ARL10: variants seen among roughly 807,000 people sequenced by gnomAD.
The protein encoded by ARL10 is ARF like GTPase 10.
In ARL10, 23 loss-of-function variants were observed where a neutral mutation model predicts 26.1. The observed-to-expected ratio is 0.88, with a 90% confidence interval of 0.63 to 1.25. The LOEUF (loss-of-function observed/expected upper bound fraction) is 1.25. ARL10 is among the 50% of genes most tolerant of loss of function. The pLI, the probability that ARL10 is intolerant of heterozygous loss-of-function variation, is 0.00. For synonymous variants in ARL10, 138 were observed against 149.1 expected, an observed-to-expected ratio of 0.93 and a Z score of 0.54; for missense variants, 300 against 323.6, an observed-to-expected ratio of 0.93 and a Z score of 0.56.
chr5:176,388,936 C>G (rs764165420), downstream of ARL10: 1 of 1,614,098 alleles, frequency 6.2e-7, no homozygotes, highest in Non-Finnish European at 8.5e-7. Flanking sequence ...AGGAAAAGTT[C>G]GTTCGCAAGA....
downstream of ARL10, chr5:176,392,809 G>C (rs1425477712): frequency 5.0e-6 from 8 of 1,614,250 alleles, no homozygotes; most frequent in Non-Finnish European, 6.8e-6. This position sits in a 1 kb window ranked among gnomAD's most constrained non-coding sequence, Gnocchi z 5.2. Context: ...AGGGACATGA[G>C]CACCGAGCGC....
intron 1 of ARL10, among the ~76,000 whole-genome samples, chr5:176,398,992 G>A (rs910821800): frequency 2.0e-5 from 3 of 151,804 alleles, no homozygotes; most frequent in Admixed American, 6.6e-5. Flanking sequence ...ACAGGCACAC[G>A]TCACGACACC....
chr5:176,409,599 A>G, the ARL10 span, among the ~76,000 whole-genome samples: 1 of 151,636 alleles, frequency 6.6e-6, no homozygotes, highest in African/African-American at 2.4e-5. Flanking sequence ...ATTTTTAGTA[A>G]AGACGGGGTT....
intron 1 of ARL10, chr5:176,397,796 TGCCAGGCAGCCACAGG>T: frequency 6.6e-7 from 1 of 1,514,742 alleles, no homozygotes; most frequent in Non-Finnish European, 9.2e-7. Flanking sequence ...CCCTGGCCCC[TGCCAGGCAGCCACAGG>T]GCCGCACCGG....
intron 1 of ARL10, among the ~76,000 whole-genome samples, chr5:176,400,968 G>A (rs1756789291): frequency 6.6e-6 from 1 of 152,154 alleles, no homozygotes; most frequent in Non-Finnish European, 1.5e-5. Flanking sequence ...TGAGGGAAGG[G>A]CAGGCCAGGG....
chr5:176,366,067 C>G (rs1329947491), intron 1 of ARL10, among the ~76,000 whole-genome samples: 2 of 152,170 alleles, frequency 1.3e-5, no homozygotes, highest in African/African-American at 4.8e-5. Flanking sequence ...CGGGTCGGCT[C>G]GCGCCCCTCC....
rs1755484356 is a variant in ARL10 at position 176,378,917 on chromosome 5, A to G, written c.*7022A>G. 1 of 146,432 alleles carries G rather than the reference A, an allele frequency of 6.8e-6. No homozygotes were observed. The highest frequency in any genetic ancestry group is 1.5e-5 in the Non-Finnish European group (1 of 65,908). 9.1% of individuals were successfully genotyped at this position (146,432 alleles called of 1,614,324 possible). ...CAAAAAAAAAAAAAAAAAAAATTTC[A>G]AATGATGTTGGTCTACTTGCTGAAA... On this transcript the variant is annotated 3_prime_UTR_variant, in exon 4 of 4. Coordinates refer to ENST00000310389, the MANE Select transcript of ARL10 (RefSeq NM_173664.6).
chr5:176,392,477 G>A (rs115470776), downstream of ARL10: 6,084 of 328,408 alleles, frequency 0.019, 89 homozygotes, highest in Middle Eastern at 0.042. This position sits in a 1 kb window ranked among gnomAD's most constrained non-coding sequence, Gnocchi z 5.2. Flanking sequence ...AAGTGAGAAT[G>A]ATAATAAATA....
At position 176,365,627 on chromosome 5, in the gene ARL10, T is replaced by C. The variant is rs973061730; in HGVS notation, c.64T>C (p.Ser22Pro). Residue 22 changes from serine (S) to proline (P), a missense_variant, in exon 1 of 4, where the codon TCG becomes CCG. Transcript: ENST00000310389. ...ALGGAAAVLG[S>P]VLFILWKTYF... is the part of the protein sequence containing the mutation. ...GGGCGGCGCCGCGGCGGTGCTGGGC[T>C]CGGTGCTCTTCATCCTCTGGAAGAC... 7.9e-7 allele frequency: 1 copy of C among 1,260,582 alleles called. No individual in the cohort carries two copies. Among genetic ancestry groups the C allele is most frequent in the African/African-American group, 1.5e-5 (1 of 64,598 alleles). 78.1% of individuals were successfully genotyped at this position (1,260,582 alleles called of 1,614,324 possible).
In ARL10 at chr5:176,401,786, T is replaced by G. The variant is rs985535314; in HGVS notation, c.*34T>G. 15 of 456,224 alleles carry G rather than the reference T, an allele frequency of 3.3e-5. No individual in the cohort carries two copies. The East Asian group carries it at 9.7e-4, about 30-fold the overall frequency. The allele number at this position is 456,224 out of a possible 1,614,324, so 28.3% of individuals were successfully genotyped here. A position where few individuals can be genotyped will look rare whatever the true frequency, so the allele number is the denominator to read the frequency against. ...ACACTGAACAATTTCCCGAGGGTGC[T>G]GAGGCCCCAGCCTCCTGTTCGTCCT... On this transcript the variant is annotated 3_prime_UTR_variant, in exon 2 of 2. Coordinates refer to the ARL10 transcript ENST00000514533.
downstream of ARL10, among the ~76,000 whole-genome samples, chr5:176,383,763 A>G (rs983930421): frequency 6.6e-6 from 1 of 152,156 alleles, no homozygotes; most frequent in Non-Finnish European, 1.5e-5. Context: ...GTTGAGAGGA[A>G]CTGCTGTGCG....
exon 2 of ARL10, chr5:176,388,566 A>G (rs1214581415): frequency 6.3e-7 from 1 of 1,579,998 alleles, no homozygotes; most frequent in Non-Finnish European, 8.7e-7. Context: ...CCAGCAGCTC[A>G]AACACGCTGC....
intron 3 of ARL10, 182 bp downstream of exon 3, chr5:176,369,164 T>A: frequency 6.5e-7 from 1 of 1,534,004 alleles, no homozygotes; most frequent in Non-Finnish European, 8.7e-7. Context: ...TGCCTCCCTA[T>A]CATCTCGTAC....
At chr5:176,386,743 T>TAG (rs1325571940), downstream of ARL10, 2 of 1,042,068 alleles carry the variant, frequency 1.9e-6, no homozygotes, top group African/African-American at 3.1e-5. Flanking sequence ...CTCTGAAACT[T>TAG]GGTTTCTCCA....
downstream of ARL10, chr5:176,406,800 T>A (rs1440155837): frequency 2.0e-6 from 2 of 999,756 alleles, no homozygotes; most frequent in East Asian, 1.3e-4. Context: ...CTCCTCCCCC[T>A]GCAGGTGCAG....
At chr5:176,369,677 C>G (rs1768472280) in intron 3 of ARL10, among the ~76,000 whole-genome samples, 1 of 152,018 alleles carries the variant, frequency 6.6e-6, no homozygotes, top group East Asian at 1.9e-4. Context: ...AGAATTGGTC[C>G]AGGCGTGGTG....
chr5:176,406,015 G>GCT, downstream of ARL10: 1 of 369,790 alleles, frequency 2.7e-6, no homozygotes, highest in South Asian at 1.1e-4. Context: ...GCACAGTGGT[G>GCT]CTGCTGGCAG....
At chr5:176,408,332 C>G in the ARL10 span, among the ~76,000 whole-genome samples, 2 of 151,036 alleles carry the variant, frequency 1.3e-5, no homozygotes, top group Non-Finnish European at 2.9e-5. Context: ...GTCAGGAGTT[C>G]GAGACCAGCC....
chr5:176,380,295 C>G lies in ARL10; in HGVS notation c.*8400C>G, dbSNP rs1326796557. The G allele has an allele frequency of 6.6e-6, 1 of 152,044 alleles. No homozygotes were observed. The highest frequency in any genetic ancestry group is 2.4e-5 in the African/African-American group (1 of 41,392). 9.4% of individuals were successfully genotyped at this position (152,044 alleles called of 1,614,324 possible). A position where few individuals can be genotyped will look rare whatever the true frequency, so the allele number is the denominator to read the frequency against. On this transcript the variant is annotated 3_prime_UTR_variant, in exon 4 of 4. Transcript: ENST00000310389. ...TAATCCTTTAGATGCCTCTGCATAC[C>G]GATTTAAAATGCATCCCGTTGTTTT...
Sources: allele counts gnomAD v4.1 joint callset (sites outside exome capture counted in the v4.1 genomes callset), GRCh38; gene constraint gnomAD v4.1.1; non-coding constraint Gnocchi (gnomAD v3.1); transcripts MANE v1.5; gene names NCBI Gene and HGNC (gene_info 2026-07-23, HGNC 2026-07-21).